The following LRMDA variants were observed in gnomAD, a reference collection of about 807,000 sequenced individuals.
LRMDA encodes the protein leucine-rich melanocyte differentiation-associated protein.
Under a neutral mutation model 29.8 loss-of-function variants are expected in LRMDA, and 18 were observed. That is an observed-to-expected ratio of 0.60 (90% CI 0.42 to 0.90). The LOEUF (loss-of-function observed/expected upper bound fraction) is 0.90. LRMDA is among the 40% of genes least tolerant of loss of function. The probability of loss-of-function intolerance (pLI) is 0.00; values close to 1 mark genes in which losing one functional copy is unlikely to be tolerated. For synonymous variants in LRMDA, 125 were observed against 109.4 expected (o/e 1.14, Z -0.89); for missense variants, 273 against 273.9 (o/e 1.00, Z 0.02).
intron 5 of LRMDA, among the ~76,000 whole-genome samples, chr10:76,266,255 A>G (rs1840005571): frequency 6.6e-6 from 1 of 152,100 alleles, no homozygotes; most frequent in South Asian, 2.1e-4. Flanking sequence ...TTTGTAATAA[A>G]GGTAATTGGA....
intron 5 of LRMDA, among the ~76,000 whole-genome samples, chr10:76,176,358 G>A (rs902545961): frequency 6.6e-5 from 10 of 152,176 alleles, no homozygotes; most frequent in African/African-American, 1.2e-4. Context: ...AATGAATACC[G>A]ATTACAATAG....
intron 2 of LRMDA, among the ~76,000 whole-genome samples, chr10:75,626,052 G>A (rs1410015000): frequency 6.6e-6 from 1 of 151,622 alleles, no homozygotes; most frequent in Non-Finnish European, 1.5e-5. Flanking sequence ...AGTAGAGACG[G>A]GGTCTTGCTA....
intron 5 of LRMDA, among the ~76,000 whole-genome samples, chr10:76,282,972 G>T (rs1482068126): frequency 1.3e-5 from 2 of 151,998 alleles, no homozygotes; most frequent in African/African-American, 4.8e-5. Context: ...TAAACTTCTT[G>T]GTATACAGAG....
intron 4 of LRMDA, among the ~76,000 whole-genome samples, chr10:76,057,819 G>A (rs1347934806): frequency 2.0e-5 from 3 of 152,214 alleles, no homozygotes; most frequent in African/African-American, 7.2e-5. Context: ...CTTGGTTAGT[G>A]ATTGTCCCTG....
chr10:76,442,958 C>T (rs1401777405), intron 6 of LRMDA, among the ~76,000 whole-genome samples: 1 of 152,056 alleles, frequency 6.6e-6, no homozygotes, highest in Admixed American at 6.5e-5. Context: ...ACCTAGGTCT[C>T]AAAAAATTGT....
At chr10:76,351,718 A>G (rs139424426) in intron 6 of LRMDA, among the ~76,000 whole-genome samples, 1 of 152,166 alleles carries the variant, frequency 6.6e-6, no homozygotes, top group African/African-American at 2.4e-5. Context: ...GAAAAAAAAA[A>G]AAAGCCCCTG....
intron 2 of LRMDA, among the ~76,000 whole-genome samples, chr10:75,551,618 A>G (rs1475121278): frequency 2.0e-5 from 3 of 152,110 alleles, no homozygotes; most frequent in African/African-American, 2.4e-5. Context: ...TTTGCTGAGA[A>G]TGATGGTTTC....
chr10:75,776,342 G>C (rs1843311639), intron 2 of LRMDA, among the ~76,000 whole-genome samples: 1 of 152,204 alleles, frequency 6.6e-6, no homozygotes, highest in Admixed American at 6.5e-5. Context: ...GCATATTGGA[G>C]GAAGAAGGGA....
chr10:75,651,860 G>C lies in LRMDA; in HGVS notation c.131+213366G>C, dbSNP rs192161894. On this transcript the variant is annotated intron_variant, in intron 2 of 6. Coordinates refer to ENST00000611255, the MANE Select transcript of LRMDA (RefSeq NM_001305581.2). ...GGTATGAGCCCCTAAAGCACTTAAG[G>C]GTACCAATAGACTTGACACTTCTCC... 3.3e-5 allele frequency among the ~76,000 whole-genome samples: 5 copies of C among 152,204 alleles called. No homozygotes were observed. In the South Asian group the frequency reaches 6.2e-4, roughly 19 times the overall value.
chr10:75,846,794 T>A (rs982056224), intron 2 of LRMDA, among the ~76,000 whole-genome samples: 1 of 152,088 alleles, frequency 6.6e-6, no homozygotes, highest in African/African-American at 2.4e-5. Context: ...TACTTAGGAA[T>A]AAACTTAACC....
At position 75,673,146 on chromosome 10, in the gene LRMDA, G is replaced by A. The variant is rs79333447; in HGVS notation, c.131+234652G>A. Reference sequence around the variant, plus strand: ...GCACATTCTTTTAAAACAAGAGAGTGTGTGTTTGCTGGATTATCAGCTTCA... The same window carrying A: ...GCACATTCTTTTAAAACAAGAGAGTATGTGTTTGCTGGATTATCAGCTTCA... On this transcript the variant is annotated intron_variant, in intron 2 of 6. Coordinates refer to ENST00000611255, the MANE Select transcript of LRMDA (RefSeq NM_001305581.2). Among the ~76,000 whole-genome samples, 1,217 of 152,220 alleles carry A rather than the reference G, an allele frequency of 8.0e-3. 24 individuals are homozygous for A. Among genetic ancestry groups the A allele is most frequent in the African/African-American group, 0.028 (1,146 of 41,540 alleles).
At chr10:76,102,695 C>T (rs1199700140) in intron 5 of LRMDA, among the ~76,000 whole-genome samples, 4 of 152,136 alleles carry the variant, frequency 2.6e-5, no homozygotes, top group African/African-American at 9.7e-5. Flanking sequence ...CTCTGTCACC[C>T]AAGCTGTACT....
intron 2 of LRMDA, among the ~76,000 whole-genome samples, chr10:75,692,470 TAC>T (rs1257056391): frequency 6.7e-6 from 1 of 150,334 alleles, no homozygotes; most frequent in Non-Finnish European, 1.5e-5. Context: ...TATACACACA[TAC>T]ACATACACAC....
chr10:76,132,732 T>C (rs1850015474), intron 5 of LRMDA, among the ~76,000 whole-genome samples: 2 of 152,130 alleles, frequency 1.3e-5, no homozygotes, highest in Non-Finnish European at 2.9e-5. Context: ...TGGAGTCCAC[T>C]AGAGAGTGAA....
intron 6 of LRMDA, chr10:76,396,413 G>A (rs991554653): frequency 5.9e-5 from 9 of 152,156 alleles, no homozygotes; most frequent in Admixed American, 3.9e-4. Context: ...GTGACGATGC[G>A]ATTCTTTCAG....
At chr10:76,487,384 G>A (rs998492522) in intron 6 of LRMDA, among the ~76,000 whole-genome samples, 1 of 151,854 alleles carries the variant, frequency 6.6e-6, no homozygotes, top group African/African-American at 2.4e-5. Context: ...GAAAATAGAA[G>A]AGATATTATT....
At chr10:76,426,553 G>A (rs1202789463) in intron 6 of LRMDA, among the ~76,000 whole-genome samples, 2 of 151,986 alleles carry the variant, frequency 1.3e-5, no homozygotes, top group African/African-American at 4.8e-5. Context: ...TCTGTAGGTT[G>A]CCTGTTCACT....
At chr10:75,957,152 C>G (rs1390318941) in intron 2 of LRMDA, among the ~76,000 whole-genome samples, 1 of 152,220 alleles carries the variant, frequency 6.6e-6, no homozygotes, top group African/African-American at 2.4e-5. Flanking sequence ...TGATGGCACA[C>G]ACTATTTGGG....
intron 5 of LRMDA, among the ~76,000 whole-genome samples, chr10:76,207,643 C>T (rs1372518481): frequency 1.3e-5 from 2 of 152,122 alleles, no homozygotes; most frequent in African/African-American, 4.8e-5. Context: ...CTCGCCTTTT[C>T]CACCTCCTCT....
Sources: gnomAD v4.1 joint callset for allele counts (sites outside exome capture counted in the v4.1 genomes callset) on GRCh38, gnomAD v4.1.1 for gene constraint, MANE v1.5 for transcripts, NCBI Gene and HGNC (gene_info 2026-07-23, HGNC 2026-07-21) for gene names.